SLC7A14: variants seen among roughly 807,000 people sequenced by gnomAD.
The protein encoded by SLC7A14 is gamma-aminobutyric acid transporter SLC7A14.
Under a neutral mutation model 60.2 loss-of-function variants are expected in SLC7A14, and 37 were observed. The ratio of observed to expected loss-of-function variants is 0.61; its 90% CI spans 0.47 to 0.81. The LOEUF (loss-of-function observed/expected upper bound fraction) is 0.81, where lower values mean the gene tolerates loss of function less well. SLC7A14 is among the 30% of genes least tolerant of loss of function. The pLI is 0.00. For missense variants in SLC7A14, 886 were observed against 982.7 expected (o/e 0.90, Z 1.32); for synonymous variants, 399 against 395.8 (o/e 1.01, Z -0.10).
intron 7 of SLC7A14, among the ~76,000 whole-genome samples, chr3:170,477,717 T>A (rs1378062496): frequency 6.6e-6 from 1 of 152,274 alleles, no homozygotes; most frequent in Non-Finnish European, 1.5e-5. Flanking sequence ...TTCATGTGTA[T>A]GTGTGGTTTT....
intron 1 of SLC7A14, among the ~76,000 whole-genome samples, chr3:170,544,850 G>T (rs1281705143): frequency 3.3e-5 from 5 of 152,230 alleles, no homozygotes; most frequent in Admixed American, 3.3e-4. Context: ...TGACACAGCT[G>T]CTGTCAGAGC....
At chr3:170,577,764 T>C (rs537312960) in intron 1 of SLC7A14, among the ~76,000 whole-genome samples, 1 of 152,360 alleles carries the variant, frequency 6.6e-6, no homozygotes, top group South Asian at 2.1e-4. Flanking sequence ...ACATGTATAT[T>C]TGACTACTGT....
chr3:170,566,580 C>A (rs1714794560), intron 1 of SLC7A14, among the ~76,000 whole-genome samples: 1 of 152,182 alleles, frequency 6.6e-6, no homozygotes, highest in African/African-American at 2.4e-5. Flanking sequence ...CACATCCATC[C>A]CACTCACTGT....
chr3:170,525,730 G>A (rs1713472792), intron 2 of SLC7A14, among the ~76,000 whole-genome samples: 1 of 152,212 alleles, frequency 6.6e-6, no homozygotes, highest in Non-Finnish European at 1.5e-5. Context: ...GAGAAGCTGG[G>A]AGGTGTATGA....
At chr3:170,492,872 C>T (rs1336529063) in intron 4 of SLC7A14, among the ~76,000 whole-genome samples, 2 of 152,218 alleles carry the variant, frequency 1.3e-5, no homozygotes, top group African/African-American at 2.4e-5. Flanking sequence ...AAAATTCCAA[C>T]TTTTCACAGC....
chr3:170,498,677 C>A lies in SLC7A14; in HGVS notation c.749G>T (p.Gly250Val). Residue 250 changes from glycine (G) to valine (V), a missense_variant, in exon 4 of 8, where the codon GGC (glycine) becomes GTC (valine). By Grantham distance (109) the Gly-to-Val change is moderately radical (BLOSUM62 -3). Coordinates refer to ENST00000231706, the MANE Select transcript of SLC7A14 (RefSeq NM_020949.3). ...YWAEGQFLPH[G>V]WSGVLQGAAT... ...TTGGAACAAACTTACCCCTGACCAG[C>A]CGTGGGGCAAGAACTGGCCCTCCGC... 1 of 1,614,140 alleles carries A rather than the reference C, an allele frequency of 6.2e-7. No homozygotes were observed. The highest frequency in any genetic ancestry group is 8.5e-7 in the Non-Finnish European group (1 of 1,180,026).
At chr3:170,492,414 A>T (rs912271736) in intron 4 of SLC7A14, among the ~76,000 whole-genome samples, 1 of 152,146 alleles carries the variant, frequency 6.6e-6, no homozygotes, top group East Asian at 1.9e-4. Flanking sequence ...CTGAGGTGGG[A>T]AGATTACTTG....
intron 7 of SLC7A14, among the ~76,000 whole-genome samples, chr3:170,477,249 T>A (rs1711649562): frequency 6.6e-6 from 1 of 152,248 alleles, no homozygotes; most frequent in African/African-American, 2.4e-5. Context: ...TTATTTAACT[T>A]CTTGGAGGTT....
chr3:170,547,899 A>C lies in SLC7A14; in HGVS notation c.-152-20811T>G, dbSNP rs375048853. Among the ~76,000 whole-genome samples, 24 of 152,280 alleles carry C rather than the reference A, an allele frequency of 1.6e-4. No homozygotes were observed. The South Asian group carries it at 4.8e-3, about 30-fold the overall frequency. On this transcript the variant is annotated intron_variant, in intron 1 of 7. Transcript: ENST00000231706. The stretch of plus-strand genomic sequence containing the variant: ...CTATTCTCATTATTTTTTTCTCATA[A>C]GCAATGCTACGGTGGACATATATTT...
chr3:170,538,060 A>G (rs1025319117), intron 1 of SLC7A14, among the ~76,000 whole-genome samples: 1 of 152,212 alleles, frequency 6.6e-6, no homozygotes, highest in African/African-American at 2.4e-5. Context: ...GAGAAGCCCA[A>G]TTCTAGCAGA....
chr3:170,540,398 T>G (rs533659995), intron 1 of SLC7A14, among the ~76,000 whole-genome samples: 2 of 152,116 alleles, frequency 1.3e-5, no homozygotes, highest in East Asian at 3.9e-4. Flanking sequence ...GCAGTGAAAA[T>G]CTCATAAATC....
chr3:170,566,349 A>C (rs1714786825), intron 1 of SLC7A14, among the ~76,000 whole-genome samples: 1 of 151,712 alleles, frequency 6.6e-6, no homozygotes, highest in Non-Finnish European at 1.5e-5. Context: ...AGCCAAGGAG[A>C]GGAGAGGTCA....
Position 170,562,352 on chromosome 3 carries a change from G to A in SLC7A14, c.-153+23559C>T, listed in dbSNP as rs566254158. On this transcript the variant is annotated intron_variant, in intron 1 of 7. Transcript: ENST00000231706. ...TCATGGCATTTGCAGCAACCTGGAT[G>A]GGATTGGAGACTATTATTCTAAGTG... Among the ~76,000 whole-genome samples the A allele has an allele frequency of 3.3e-5, 5 of 152,308 alleles. No individual in the cohort carries two copies. The South Asian group carries it at 8.3e-4, about 25-fold the overall frequency.
At chr3:170,473,823 T>C (rs1162441301) in intron 7 of SLC7A14, among the ~76,000 whole-genome samples, 1 of 152,218 alleles carries the variant, frequency 6.6e-6, no homozygotes, top group Non-Finnish European at 1.5e-5. Flanking sequence ...CTGCAGCTGA[T>C]CTAATGGGAA....
At chr3:170,546,696 G>A (rs1049152773) in intron 1 of SLC7A14, among the ~76,000 whole-genome samples, 6 of 152,246 alleles carry the variant, frequency 3.9e-5, no homozygotes, top group Admixed American at 1.3e-4. Flanking sequence ...CCTGTGCTCC[G>A]ACTTTCAGAG....
chr3:170,499,153 C>A (rs529269537), intron 3 of SLC7A14, among the ~76,000 whole-genome samples: 16 of 135,656 alleles, frequency 1.2e-4, no homozygotes, highest in Middle Eastern at 3.9e-3. Flanking sequence ...AGGAGAATGG[C>A]GTGAACCTGG....
chr3:170,585,296 C>T lies in SLC7A14; in HGVS notation c.-153+615G>A, dbSNP rs557748117. The stretch of plus-strand genomic sequence containing the variant: ...CTCTTCGCCGCTCCCGGGAGAGTCA[C>T]CACTCTCCGGGGACAGACGCCCCTC... On this transcript the variant is annotated intron_variant, in intron 1 of 7. Transcript: ENST00000231706. This position sits in a 1 kb window ranked among gnomAD's most constrained non-coding sequence, Gnocchi z 5.1. Among the ~76,000 whole-genome samples, 5 of 152,262 alleles carry T rather than the reference C, an allele frequency of 3.3e-5. No homozygotes were observed. In the South Asian group the frequency reaches 1.0e-3, roughly 32 times the overall value.
chr3:170,544,008 A>G lies in SLC7A14; in HGVS notation c.-152-16920T>C, dbSNP rs1391970175. Among the ~76,000 whole-genome samples, 3 of 152,048 alleles carry G rather than the reference A, an allele frequency of 2.0e-5. No individual in the cohort carries two copies. The East Asian group carries it at 5.8e-4, about 29-fold the overall frequency. ...TGTGATCCACCCGCCTCAGTCCTGCAAAGTGCTGGGATTACAGGCATGAGC... is the reference window on the plus strand; with the variant it reads ...TGTGATCCACCCGCCTCAGTCCTGCGAAGTGCTGGGATTACAGGCATGAGC... On this transcript the variant is annotated intron_variant, in intron 1 of 7. Transcript: ENST00000231706.
chr3:170,477,750 A>C (rs576980581), intron 7 of SLC7A14, among the ~76,000 whole-genome samples: 1 of 152,352 alleles, frequency 6.6e-6, no homozygotes, highest in Admixed American at 6.5e-5. Context: ...GAAAATGTAC[A>C]ATAACTGTAC....
Sources: allele counts gnomAD v4.1 joint callset (sites outside exome capture counted in the v4.1 genomes callset), GRCh38; gene constraint gnomAD v4.1.1; non-coding constraint Gnocchi (gnomAD v3.1); transcripts MANE v1.5; gene names NCBI Gene and HGNC (gene_info 2026-07-23, HGNC 2026-07-21).